The following GPAT4 variants were observed in gnomAD, a reference collection of about 807,000 sequenced individuals.
GPAT4 encodes the protein 1-AGP acyltransferase 6.
Under a neutral mutation model 58.0 loss-of-function variants are expected in GPAT4, and 17 were observed. The ratio of observed to expected loss-of-function variants is 0.29; its 90% confidence interval spans 0.20 to 0.44. The LOEUF (loss-of-function observed/expected upper bound fraction) is 0.44. Ranked by LOEUF, GPAT4 falls within the 20% of genes least tolerant of loss-of-function variation. GPAT4 has a pLI of 1.00. For missense variants in GPAT4, 377 were observed against 574.5 expected (o/e 0.66, Z 3.51); for synonymous variants, 204 against 210.1 (o/e 0.97, Z 0.25).
intron 1 of GPAT4, among the ~76,000 whole-genome samples, chr8:41,592,835 G>A (rs1469931326): frequency 6.6e-6 from 1 of 152,070 alleles, no homozygotes; most frequent in African/African-American, 2.4e-5. Context: ...AAGGTCACAC[G>A]CTCCCCTTTT....
chr8:41,582,371 A>C (rs552903640), intron 1 of GPAT4, among the ~76,000 whole-genome samples: 4 of 151,856 alleles, frequency 2.6e-5, no homozygotes, highest in Non-Finnish European at 5.9e-5. Flanking sequence ...ACCTAAAGGC[A>C]GTCCTGGTTC....
intron 1 of GPAT4, among the ~76,000 whole-genome samples, chr8:41,589,357 TGGCGGGATGGGATGG>T (rs1413143650): frequency 2.8e-4 from 2 of 7,070 alleles, no homozygotes; most frequent in Non-Finnish European, 5.0e-4. Context: ...GGGTGGGGTG[TGGCGGGATGGGATGG>T]GGTGGGATGG....
intron 2 of GPAT4, among the ~76,000 whole-genome samples, chr8:41,600,021 T>C: frequency 6.9e-6 from 1 of 145,756 alleles, no homozygotes; most frequent in Non-Finnish European, 1.5e-5. Flanking sequence ...TGTTCATATT[T>C]TATCTTTTTC....
At chr8:41,597,132 CTG>C (rs1295491177) in intron 1 of GPAT4, among the ~76,000 whole-genome samples, 3 of 152,204 alleles carry the variant, frequency 2.0e-5, no homozygotes, top group African/African-American at 7.2e-5. Context: ...GGCTATCTGC[CTG>C]TGGATTCCAT....
chr8:41,592,105 C>CTA (rs1585653735), intron 1 of GPAT4, among the ~76,000 whole-genome samples: 1 of 152,170 alleles, frequency 6.6e-6, no homozygotes, highest in East Asian at 1.9e-4. Context: ...TTCCAATTTC[C>CTA]TATAGCTATG....
chr8:41,589,363 G>T (rs955672095), intron 1 of GPAT4, among the ~76,000 whole-genome samples: 26 of 36,312 alleles, frequency 7.2e-4, no homozygotes, highest in African/African-American at 3.6e-3. Flanking sequence ...GGTGTGGCGG[G>T]ATGGGATGGG....
At chr8:41,587,006 A>G (rs1802671032) in intron 1 of GPAT4, among the ~76,000 whole-genome samples, 1 of 152,348 alleles carries the variant, frequency 6.6e-6, no homozygotes, top group African/African-American at 2.4e-5. Context: ...TTTAGTGGCC[A>G]GGGGATGGTT....
Position 41,622,208 on chromosome 8 carries a change from A to T in GPAT4, c.*1207A>T, listed in dbSNP as rs1488348363. 1 of 85,248 alleles carries T rather than the reference A, an allele frequency of 1.2e-5. No homozygotes were observed. The highest frequency in any genetic ancestry group is 2.3e-5 in the Non-Finnish European group (1 of 43,050). The allele number at this position is 85,248 out of a possible 1,614,324, so 5.3% of individuals were successfully genotyped here. A position where few individuals can be genotyped will look rare whatever the true frequency, so the allele number is the denominator to read the frequency against. Reference sequence around the variant, plus strand: ...CAATGAGTAAACTCCAGGGTGGGGGAGGAGCAAGGGCCCGGGGAGGGCTGC... The same window carrying T: ...CAATGAGTAAACTCCAGGGTGGGGGTGGAGCAAGGGCCCGGGGAGGGCTGC... On this transcript the variant is annotated 3_prime_UTR_variant, in exon 13 of 13. Transcript: ENST00000396987.
At chr8:41,600,038 T>TTTCTTTC (rs1803041627) in intron 2 of GPAT4, among the ~76,000 whole-genome samples, 2 of 129,446 alleles carry the variant, frequency 1.5e-5, no homozygotes, top group South Asian at 4.9e-4. Context: ...TTTCTTTTCT[T>TTTCTTTC]TTTTTTTTTT....
At chr8:41,618,636 G>T in intron 10 of GPAT4, 48 bp from the exon 11 acceptor site, 1 of 1,589,856 alleles carries the variant, frequency 6.3e-7, no homozygotes, top group African/African-American at 1.3e-5. Flanking sequence ...ACTCGCAAAC[G>T]TTGTGAGAAC....
intron 1 of GPAT4, among the ~76,000 whole-genome samples, chr8:41,597,642 A>C (rs924867201): frequency 6.7e-6 from 1 of 149,486 alleles, no homozygotes; most frequent in East Asian, 1.9e-4. Context: ...AACATTATAC[A>C]AAAAAAAAAG....
chr8:41,585,636 A>G (rs1375380839), intron 1 of GPAT4, among the ~76,000 whole-genome samples: 2 of 152,214 alleles, frequency 1.3e-5, no homozygotes, highest in East Asian at 1.9e-4. Context: ...CAGGATATGT[A>G]TTATTCCCAA....
At chr8:41,610,017 C>G (rs1362976151) in intron 4 of GPAT4, 62 bp downstream of exon 4, 2 of 1,536,936 alleles carry the variant, frequency 1.3e-6, no homozygotes, top group Non-Finnish European at 1.7e-6. Context: ...CACAGCCCAC[C>G]TGCCTGCTCT....
chr8:41,589,997 C>T (rs1030061205), intron 1 of GPAT4, among the ~76,000 whole-genome samples: 3 of 152,200 alleles, frequency 2.0e-5, no homozygotes, highest in African/African-American at 4.8e-5. Flanking sequence ...CATGTACGAG[C>T]GTTTATCAAA....
intron 6 of GPAT4, 22 bp from the exon 7 acceptor site, chr8:41,612,158 T>C: frequency 6.2e-7 from 1 of 1,613,920 alleles, no homozygotes; most frequent in Non-Finnish European, 8.5e-7. Context: ...TTTTGGTTGC[T>C]TTGCATACAT....
chr8:41,581,882 C>CT (rs1802519784), intron 1 of GPAT4, among the ~76,000 whole-genome samples: 1 of 150,552 alleles, frequency 6.6e-6, no homozygotes. Flanking sequence ...ATCCCCCCGC[C>CT]TCGGCCTCCC....
rs565967286 is a variant in GPAT4, at chr8:41,612,247, T to C, written c.769T>C (p.Leu257=). ...TACCTCACCGATCGATGTGATCATC[T>C]TGGCCAGCGATGGCTATTATGCCAT... The part of the protein sequence containing the change: ...NHTSPIDVII[L]ASDGYYAMVG... Residue 257 remains leucine (L), a synonymous_variant, in exon 7 of 13, where the codon TTG becomes CTG. Transcript: ENST00000396987. The C allele has an allele frequency of 6.2e-7, 1 of 1,614,272 alleles. No individual in the cohort carries two copies. The highest frequency in any genetic ancestry group is 1.1e-5 in the South Asian group (1 of 91,088).
In GPAT4 at chr8:41,603,394, C is replaced by T. The variant is rs944593116; in HGVS notation, c.165+4090C>T. 7.9e-5 allele frequency among the ~76,000 whole-genome samples: 12 copies of T among 151,878 alleles called. No individual in the cohort carries two copies. In the East Asian group the frequency reaches 1.9e-3, roughly 24 times the overall value. On this transcript the variant is annotated intron_variant, in intron 2 of 12. Coordinates refer to ENST00000396987, the MANE Select transcript of GPAT4 (RefSeq NM_178819.4). ...ATACAAAATTAGCCGGGCGTAGTGA[C>T]GCACATCTGTAATCCCAGCTACTCG...
chr8:41,593,858 G>A (rs1330812540), intron 1 of GPAT4, among the ~76,000 whole-genome samples: 1 of 152,158 alleles, frequency 6.6e-6, no homozygotes, highest in Non-Finnish European at 1.5e-5. Flanking sequence ...ATCAGCAGTG[G>A]ACTTTATAGT....
Sources: allele counts gnomAD v4.1 joint callset (sites outside exome capture counted in the v4.1 genomes callset), GRCh38; gene constraint gnomAD v4.1.1; transcripts MANE v1.5; gene names NCBI Gene and HGNC (gene_info 2026-07-23, HGNC 2026-07-21).